The following SLC36A1 variants were observed in gnomAD, a reference collection of about 807,000 sequenced individuals.
SLC36A1 encodes the protein solute carrier family 36 member 1.
A neutral mutation model predicts 47.5 loss-of-function variants in SLC36A1; 30 were observed. The observed-to-expected ratio is 0.63, with a 90% CI of 0.47 to 0.86. SLC36A1 has a LOEUF of 0.86. SLC36A1 is among the 40% of genes least tolerant of loss of function. The pLI is 0.00. For synonymous variants in SLC36A1, 255 were observed against 249.7 expected (o/e 1.02, Z -0.20); for missense variants, 517 against 606.0 (o/e 0.85, Z 1.54).
chr5:151,492,945 C>T (rs1034728392), downstream of SLC36A1, among the ~76,000 whole-genome samples: 2 of 152,170 alleles, frequency 1.3e-5, no homozygotes, highest in African/African-American at 4.8e-5. Context: ...CCGACTCATA[C>T]GGTCATGGGA....
At chr5:151,407,436 A>G in the SLC36A1 span, among the ~76,000 whole-genome samples, 7 of 151,450 alleles carry the variant, frequency 4.6e-5, no homozygotes, top group South Asian at 1.5e-3. Context: ...ACAATCCTTT[A>G]GCTAGACAGA....
At chr5:151,524,446 C>T in the SLC36A1 span, among the ~76,000 whole-genome samples, 114 of 141,734 alleles carry the variant, frequency 8.0e-4, no homozygotes, top group East Asian at 0.019. Context: ...CCATGTGATA[C>T]AATGAGAAGC....
chr5:151,471,889 G>A (rs920211377), intron 7 of SLC36A1, among the ~76,000 whole-genome samples: 2 of 152,106 alleles, frequency 1.3e-5, no homozygotes, highest in African/African-American at 4.8e-5. Flanking sequence ...ATTGTAAAAG[G>A]CTGTTTTAAC....
chr5:151,436,439 A>T (rs1759781328), upstream of SLC36A1, among the ~76,000 whole-genome samples: 1 of 152,086 alleles, frequency 6.6e-6, no homozygotes, highest in Non-Finnish European at 1.5e-5. Flanking sequence ...ACCATTCTGC[A>T]CCTTCCTATG....
At chr5:151,433,211 T>G (rs1241600043), upstream of SLC36A1, among the ~76,000 whole-genome samples, 6 of 97,226 alleles carry the variant, frequency 6.2e-5, no homozygotes, top group Non-Finnish European at 1.2e-4. Context: ...TAACTAAAAC[T>G]TCTGAATAAC....
the SLC36A1 span, among the ~76,000 whole-genome samples, chr5:151,555,858 G>A: frequency 0.093 from 14,078 of 152,184 alleles, 899 homozygotes; most frequent in African/African-American, 0.18. Context: ...CTTCTCTTCT[G>A]ATTTCATTCC....
At chr5:151,408,610 G>C in the SLC36A1 span, among the ~76,000 whole-genome samples, 34 of 152,220 alleles carry the variant, frequency 2.2e-4, no homozygotes, top group Non-Finnish European at 1.5e-5. Flanking sequence ...AACAAACATT[G>C]TATGTCCCCT....
chr5:151,474,032 C>T (rs1242830567), intron 8 of SLC36A1, among the ~76,000 whole-genome samples: 5 of 151,578 alleles, frequency 3.3e-5, no homozygotes, highest in South Asian at 2.1e-4. Flanking sequence ...TGGTGGCACA[C>T]GCCTATAATC....
At chr5:151,431,718 G>A in the SLC36A1 span, among the ~76,000 whole-genome samples, 64 of 152,222 alleles carry the variant, frequency 4.2e-4, no homozygotes, top group African/African-American at 1.2e-3. Flanking sequence ...TTTACCTTCC[G>A]CCATGACTGT....
At chr5:151,546,468 C>T in the SLC36A1 span, 3 of 626,136 alleles carry the variant, frequency 4.8e-6, no homozygotes, top group South Asian at 3.9e-5. Flanking sequence ...TATACCCACC[C>T]TGGATATAGT....
chr5:151,367,738 G>T, the SLC36A1 span, among the ~76,000 whole-genome samples: 1 of 152,132 alleles, frequency 6.6e-6, no homozygotes, highest in Non-Finnish European at 1.5e-5. Flanking sequence ...TTTGAGAACT[G>T]AAAAATGTCC....
At chr5:151,541,903 C>A in the SLC36A1 span, among the ~76,000 whole-genome samples, 1 of 151,878 alleles carries the variant, frequency 6.6e-6, no homozygotes, top group Non-Finnish European at 1.5e-5. Context: ...CTGGGTAGGA[C>A]ACTCTCCATA....
intron 7 of SLC36A1, among the ~76,000 whole-genome samples, chr5:151,469,513 T>C (rs1366576018): frequency 1.3e-5 from 2 of 152,194 alleles, no homozygotes; most frequent in Non-Finnish European, 2.9e-5. Context: ...CCATGGATAA[T>C]TTTTAGTATT....
chr5:151,553,165 G>A, the SLC36A1 span: 2 of 1,613,964 alleles, frequency 1.2e-6, no homozygotes, highest in Non-Finnish European at 1.7e-6. Context: ...TGGGCCCTAG[G>A]CCTTGCCTCA....
chr5:151,427,324 T>G, the SLC36A1 span, among the ~76,000 whole-genome samples: 1 of 152,152 alleles, frequency 6.6e-6, no homozygotes, highest in Non-Finnish European at 1.5e-5. Flanking sequence ...AGTGAGTGGG[T>G]CAAGGGTAAG....
chr5:151,540,699 C>T, the SLC36A1 span: 1 of 1,614,186 alleles, frequency 6.2e-7, no homozygotes, highest in Non-Finnish European at 8.5e-7. Flanking sequence ...CCAGGGTCTT[C>T]CTTGAGGAAA....
chr5:151,554,362 C>T, the SLC36A1 span: 4 of 1,612,226 alleles, frequency 2.5e-6, no homozygotes, highest in East Asian at 2.2e-5. Flanking sequence ...GTCTGCTCAC[C>T]GTTAGGATGT....
the SLC36A1 span, among the ~76,000 whole-genome samples, chr5:151,499,468 T>C: frequency 1.3e-5 from 2 of 152,256 alleles, no homozygotes; most frequent in Non-Finnish European, 2.9e-5. Context: ...ACTCCATGCC[T>C]TAAAACTCTA....
At chr5:151,506,170 T>C in the SLC36A1 span, 1 of 1,446,596 alleles carries the variant, frequency 6.9e-7, no homozygotes, top group South Asian at 1.5e-5. Flanking sequence ...ATAGCAACTA[T>C]ATATAACCTA....
Sources: gnomAD v4.1 joint callset for allele counts (sites outside exome capture counted in the v4.1 genomes callset) on GRCh38, gnomAD v4.1.1 for gene constraint, MANE v1.5 for transcripts, NCBI Gene and HGNC (gene_info 2026-07-23, HGNC 2026-07-21) for gene names.